Variants in KNOP1 observed in about 807,000 individuals in gnomAD.
The protein encoded by KNOP1 is lysine-rich nucleolar protein 1.
In KNOP1, 20 loss-of-function variants were observed where a neutral mutation model predicts 30.6. The observed-to-expected ratio is 0.65, with a 90% CI of 0.46 to 0.95. The LOEUF (loss-of-function observed/expected upper bound fraction) is 0.95, where lower values mean the gene tolerates loss of function less well. Ranked by LOEUF, KNOP1 falls within the 40% of genes least tolerant of loss-of-function variation. The probability of loss-of-function intolerance (pLI) is 0.00; values close to 1 mark genes in which losing one functional copy is unlikely to be tolerated. For missense variants in KNOP1, 540 were observed against 562.0 expected (o/e 0.96, Z 0.40); for synonymous variants, 204 against 210.0 (o/e 0.97, Z 0.25).
intron 1 of KNOP1, chr16:19,716,603 G>A (rs1013757448): frequency 6.6e-6 from 1 of 152,186 alleles, no homozygotes; most frequent in Non-Finnish European, 1.5e-5. Context: ...ATAAAGTTAG[G>A]AATGTATGGG....
At chr16:19,709,588 G>C (rs1179519852) in intron 4 of KNOP1, among the ~76,000 whole-genome samples, 1 of 152,144 alleles carries the variant, frequency 6.6e-6, no homozygotes, top group Non-Finnish European at 1.5e-5. Flanking sequence ...TAGCCCTCTC[G>C]TCCCTCATTC....
In KNOP1 at chr16:19,706,830, CAAAA is replaced by C; in HGVS notation, c.*76_*79del. On this transcript the variant is annotated 3_prime_UTR_variant, in exon 5 of 5. Coordinates refer to ENST00000219837, the MANE Select transcript of KNOP1 (RefSeq NM_001012991.3). ...TCCTCACCAAGATCTGATTTTTTCA[CAAAA>C]AAAATTTGTAATCTCCAGCATAAAT... 2 of 1,502,548 alleles carry C rather than the reference CAAAA, an allele frequency of 1.3e-6. No individual in the cohort carries two copies. The highest frequency in any genetic ancestry group is 2.4e-4 in the Middle Eastern group (1 of 4,112). The allele number at this position is 1,502,548 out of a possible 1,614,324, so 93.1% of individuals were successfully genotyped here. A position where few individuals can be genotyped will look rare whatever the true frequency, so the allele number is the denominator to read the frequency against.
rs1457232074 is a variant in KNOP1, at chr16:19,706,755, T to C, written c.*155A>G. The C allele has an allele frequency of 9.2e-6, 7 of 761,680 alleles. No individual in the cohort carries two copies. Among genetic ancestry groups the C allele is most frequent in the African/African-American group, 8.7e-5 (5 of 57,412 alleles). The allele number at this position is 761,680 out of a possible 1,614,324, so 47.2% of individuals were successfully genotyped here. ...TAAACCATTTATGCCTAGTGTTCCA[T>C]TACTGGAACGCTAAGCTTATGGGAG... On this transcript the variant is annotated 3_prime_UTR_variant, in exon 5 of 5. Coordinates refer to ENST00000219837, the MANE Select transcript of KNOP1 (RefSeq NM_001012991.3).
chr16:19,715,142 T>C (rs896329087), intron 1 of KNOP1, 105 bp from the exon 2 acceptor site: 2 of 764,428 alleles, frequency 2.6e-6, no homozygotes, highest in East Asian at 2.6e-5. Flanking sequence ...GGTCAAAGCG[T>C]TGTGGGACAG....
Position 19,707,013 on chromosome 16 carries a change from CTCATGGCCCGG to C in KNOP1, c.1263_1273del (p.Asp421GlufsTer23). On this transcript the variant is annotated frameshift_variant, in exon 5 of 5. Transcript: ENST00000219837. LOFTEE classifies it high-confidence loss of function. ...GCCGGCTCCCCGGCTGTACTTCCAG[CTCATGGCCCGG>C]TCGTAGTCCCGCTGCAGATTCTGCT... 9 of 1,614,136 alleles carry C rather than the reference CTCATGGCCCGG, an allele frequency of 5.6e-6. No individual in the cohort carries two copies. Among genetic ancestry groups the C allele is most frequent in the Non-Finnish European group, 7.6e-6 (9 of 1,180,030 alleles).
At chr16:19,716,867 A>C (rs895214150) in intron 1 of KNOP1, among the ~76,000 whole-genome samples, 1 of 152,180 alleles carries the variant, frequency 6.6e-6, no homozygotes, top group African/African-American at 2.4e-5. Flanking sequence ...TTGTGAGACA[A>C]GGTCTGGCTC....
chr16:19,717,704 T>C, intron 1 of KNOP1: 2 of 987,410 alleles, frequency 2.0e-6, no homozygotes, highest in Non-Finnish European at 2.4e-6. Context: ...GGGACAGCCT[T>C]GTGAAGATCT....
intron 1 of KNOP1, among the ~76,000 whole-genome samples, chr16:19,716,921 C>T (rs964750298): frequency 6.6e-6 from 1 of 152,222 alleles, no homozygotes; most frequent in Admixed American, 6.5e-5. Context: ...CGGCTCACTG[C>T]AACCTCCACC....
Position 19,706,977 on chromosome 16 carries a change from G to A in KNOP1, c.1310C>T (p.Ser437Phe), listed in dbSNP as rs1180942666. The A allele has an allele frequency of 1.9e-6, 3 of 1,613,762 alleles. No individual in the cohort carries two copies. The highest frequency in any genetic ancestry group is 2.5e-6 in the Non-Finnish European group (3 of 1,180,040). Residue 437 changes from serine to phenylalanine, a missense_variant, in exon 5 of 5, where the codon TCC becomes TTC. Coordinates refer to ENST00000219837, the MANE Select transcript of KNOP1 (RefSeq NM_001012991.3). The part of the protein sequence containing the change: ...KYSRGAGLGF[S>F]TAPNKIFYID... ...GTAAAAGATCTTGTTGGGGGCGGTGGAGAAGCCGAGGCCGGCTCCCCGGCT... is the reference window on the plus strand; with the variant it reads ...GTAAAAGATCTTGTTGGGGGCGGTGAAGAAGCCGAGGCCGGCTCCCCGGCT...
In KNOP1 at chr16:19,706,168, G is replaced by A. The variant is rs866487735; in HGVS notation, c.*742C>T. On this transcript the variant is annotated 3_prime_UTR_variant, in exon 5 of 5. Coordinates refer to ENST00000219837, the MANE Select transcript of KNOP1 (RefSeq NM_001012991.3). The stretch of plus-strand genomic sequence containing the variant: ...GGAAAAGGAAGGAAAAGGAGTTTGC[G>A]ATTCTCCGTTCCTCATTCACTCCAC... The A allele has an allele frequency of 2.0e-5, 3 of 152,266 alleles. No homozygotes were observed. Among genetic ancestry groups the A allele is most frequent in the African/African-American group, 7.2e-5 (3 of 41,422 alleles). 9.4% of individuals were successfully genotyped at this position (152,266 alleles called of 1,614,324 possible). A position where few individuals can be genotyped will look rare whatever the true frequency, so the allele number is the denominator to read the frequency against.
intron 3 of KNOP1, 115 bp downstream of exon 3, chr16:19,711,257 G>A (rs1976704368): frequency 5.9e-6 from 6 of 1,016,830 alleles, no homozygotes; most frequent in Non-Finnish European, 9.2e-6. Flanking sequence ...AGTGGCCTCT[G>A]GAGTCCCTGG....
intron 2 of KNOP1, among the ~76,000 whole-genome samples, chr16:19,712,330 C>G (rs1402482130): frequency 6.6e-6 from 1 of 152,168 alleles, no homozygotes; most frequent in Non-Finnish European, 1.5e-5. Context: ...GAGGCCACCC[C>G]TCCACTCCCC....
chr16:19,710,316 A>T (rs924982522), intron 4 of KNOP1, 193 bp downstream of exon 4: 1 of 637,844 alleles, frequency 1.6e-6, no homozygotes, highest in Admixed American at 2.3e-5. Context: ...GAGGGAGGCA[A>T]GCGCCCTTTT....
intron 1 of KNOP1, chr16:19,716,585 C>T (rs1282275090): frequency 6.6e-6 from 1 of 152,202 alleles, no homozygotes; most frequent in South Asian, 2.1e-4. Context: ...CGTGCTGACA[C>T]GGGCGACATA....
chr16:19,717,347 A>C (rs1364324140), intron 1 of KNOP1: 1 of 985,324 alleles, frequency 1.0e-6, no homozygotes, highest in African/African-American at 1.7e-5. Flanking sequence ...AAGAAGGTGC[A>C]AACCTTGAAA....
At chr16:19,717,740 C>T (rs900408849) in intron 1 of KNOP1, 1 of 989,490 alleles carries the variant, frequency 1.0e-6, no homozygotes, top group African/African-American at 1.7e-5. Flanking sequence ...CTCGCAAGCT[C>T]CAGAGACTAC....
rs1321423526 is a variant in KNOP1, at chr16:19,714,414, G to A, written c.622C>T (p.His208Tyr). 1.2e-6 allele frequency: 2 copies of A among 1,613,520 alleles called. No individual in the cohort carries two copies. The highest frequency in any genetic ancestry group is 1.7e-5 in the Admixed American group (1 of 59,932). Residue 208 changes from histidine (H) to tyrosine (Y), a missense_variant, in exon 2 of 5, where the codon CAC becomes TAC. Physicochemically the swap from His to Tyr is moderately conservative, Grantham distance 83 (BLOSUM62 2). Coordinates refer to ENST00000219837, the MANE Select transcript of KNOP1 (RefSeq NM_001012991.3). The stretch of plus-strand genomic sequence containing the variant: ...TTTTTCTTCTTCACCTTCCCATTGT[G>A]TTCTCTGGGGCTCTTCCGCTTCCGT... ...QKRKRKSPRE[H>Y]NGKVKKKKKI... is the part of the protein sequence containing the mutation.
chr16:19,717,983 C>G (rs1176583955), intron 1 of KNOP1, 175 bp downstream of exon 1: 3 of 1,296,264 alleles, frequency 2.3e-6, no homozygotes, highest in Non-Finnish European at 2.0e-6. Flanking sequence ...GGCTCTGAGG[C>G]GGGAAAACTT....
rs565195563 is a variant in KNOP1, at chr16:19,709,587, C to T, written c.1065+922G>A. Among the ~76,000 whole-genome samples, 159 of 152,334 alleles carry T rather than the reference C, an allele frequency of 1.0e-3. 2 individuals are homozygous for T. The highest frequency in any genetic ancestry group is 3.7e-3 in the African/African-American group (153 of 41,574). ...CGAGGCCTGTGGCCTGTAGCCCTCT[C>T]GTCCCTCATTCCAGCCGCAGTGCCG... On this transcript the variant is annotated intron_variant, in intron 4 of 4. Transcript: ENST00000219837.
Sources: gnomAD v4.1 joint callset for allele counts (sites outside exome capture counted in the v4.1 genomes callset) on GRCh38, gnomAD v4.1.1 for gene constraint, MANE v1.5 for transcripts, NCBI Gene and HGNC (gene_info 2026-07-23, HGNC 2026-07-21) for gene names.